Variants in BLTP1 observed in about 807,000 individuals in gnomAD.
BLTP1 encodes the protein bridge-like lipid transfer protein family member 1.
At chr4:122,239,062 C>A in the BLTP1 span, among the ~76,000 whole-genome samples, 564 of 152,186 alleles carry the variant, frequency 3.7e-3, 4 homozygotes, top group African/African-American at 0.013. Context: ...CTTATTCTTA[C>A]CAGTTTTAAC....
At chr4:122,328,396 A>G in the BLTP1 span, 2 of 1,552,382 alleles carry the variant, frequency 1.3e-6, no homozygotes, top group Admixed American at 1.7e-5. Flanking sequence ...GTAGTATTTC[A>G]GAATCTAGAA....
At chr4:122,251,453 G>T in the BLTP1 span, 7 of 922,146 alleles carry the variant, frequency 7.6e-6, no homozygotes, top group African/African-American at 1.3e-4. Context: ...TAAAACATTT[G>T]TTTTTATTTA....
chr4:122,251,155 CTT>C, the BLTP1 span: 1 of 956,038 alleles, frequency 1.0e-6, no homozygotes, highest in Non-Finnish European at 1.2e-6. Context: ...TCCTAAGTCT[CTT>C]TACCTGTAAT....
At chr4:122,182,057 C>G in the BLTP1 span, among the ~76,000 whole-genome samples, 1 of 151,766 alleles carries the variant, frequency 6.6e-6, no homozygotes, top group Non-Finnish European at 1.5e-5. Flanking sequence ...ACACTTAAGC[C>G]AAAAACAATT....
At chr4:122,254,188 T>C in the BLTP1 span, 1 of 1,612,068 alleles carries the variant, frequency 6.2e-7, no homozygotes, top group Admixed American at 1.7e-5. Flanking sequence ...CATTCTATTT[T>C]ATATAGGATG....
At chr4:122,305,279 T>A in the BLTP1 span, 87 of 975,442 alleles carry the variant, frequency 8.9e-5, 1 homozygote, top group East Asian at 9.4e-3. Flanking sequence ...CAAAGTCTTG[T>A]GCTAACATTA....
chr4:122,186,639 G>A, the BLTP1 span, among the ~76,000 whole-genome samples: 1 of 151,938 alleles, frequency 6.6e-6, no homozygotes, highest in Non-Finnish European at 1.5e-5. Flanking sequence ...TTATGTAGCA[G>A]TTTGTCTGTA....
At chr4:122,349,020 T>G in the BLTP1 span, 1 of 717,434 alleles carries the variant, frequency 1.4e-6, no homozygotes. This position sits in a 1 kb window ranked among gnomAD's most constrained non-coding sequence, Gnocchi z 4.5. Context: ...TACCACACAG[T>G]TTTTATATAA....
chr4:122,269,303 G>T, the BLTP1 span: 4 of 479,228 alleles, frequency 8.3e-6, no homozygotes. Flanking sequence ...AATTATAGCT[G>T]TAGCCTATTT....
the BLTP1 span, chr4:122,224,515 T>C: frequency 6.2e-7 from 1 of 1,612,620 alleles, no homozygotes; most frequent in East Asian, 2.2e-5. Flanking sequence ...CCCCTGTGGA[T>C]GAAGTACTCA....
At chr4:122,221,006 TTTA>T in the BLTP1 span, 2 of 736,622 alleles carry the variant, frequency 2.7e-6, no homozygotes, top group Non-Finnish European at 3.3e-6. Flanking sequence ...AGATTATAAT[TTTA>T]TTATTTTTTT....
At chr4:122,270,579 G>A in the BLTP1 span, among the ~76,000 whole-genome samples, 2 of 151,884 alleles carry the variant, frequency 1.3e-5, no homozygotes, top group South Asian at 4.1e-4. Context: ...AACTTAGCAT[G>A]AGGGCTTCCT....
chr4:122,280,697 G>C, the BLTP1 span, among the ~76,000 whole-genome samples: 1 of 150,470 alleles, frequency 6.6e-6, no homozygotes, highest in Non-Finnish European at 1.5e-5. Context: ...CATGTAAAAG[G>C]TTAAAAATTT....
the BLTP1 span, chr4:122,250,238 A>G: frequency 2.0e-6 from 2 of 1,024,198 alleles, no homozygotes; most frequent in South Asian, 1.8e-5. Flanking sequence ...TTACTTTTAT[A>G]GATTAGGGCA....
At chr4:122,189,475 A>G in the BLTP1 span, 1 of 939,538 alleles carries the variant, frequency 1.1e-6, no homozygotes, top group Non-Finnish European at 1.3e-6. Flanking sequence ...AATAGGTAAT[A>G]AGAAGATAAA....
chr4:122,312,174 C>T, the BLTP1 span, among the ~76,000 whole-genome samples: 2 of 151,988 alleles, frequency 1.3e-5, no homozygotes, highest in African/African-American at 2.4e-5. Flanking sequence ...TAGCTGGGAC[C>T]ACAGGCACAT....
chr4:122,271,574 A>G, the BLTP1 span: 18 of 1,613,538 alleles, frequency 1.1e-5, no homozygotes, highest in Non-Finnish European at 1.5e-5. Context: ...GACTATTCAT[A>G]TGGATGACTC....
chr4:122,358,143 T>G, the BLTP1 span, among the ~76,000 whole-genome samples: 6 of 152,210 alleles, frequency 3.9e-5, no homozygotes, highest in Non-Finnish European at 8.8e-5. Context: ...ATCCTTTTTG[T>G]TTTTATGCCT....
the BLTP1 span, chr4:122,245,044 T>C: frequency 6.2e-7 from 1 of 1,611,618 alleles, no homozygotes; most frequent in Non-Finnish European, 8.5e-7. Flanking sequence ...TGGTTCATTG[T>C]GCTAGTACCC....
Sources: allele counts gnomAD v4.1 joint callset (sites outside exome capture counted in the v4.1 genomes callset), GRCh38; gene constraint gnomAD v4.1.1; non-coding constraint Gnocchi (gnomAD v3.1); transcripts MANE v1.5; gene names NCBI Gene and HGNC (gene_info 2026-07-23, HGNC 2026-07-21).